The following ANKIB1 variants were observed in gnomAD, a reference collection of about 807,000 sequenced individuals.
ANKIB1 encodes the protein ankyrin repeat and IBR domain containing 1.
ANKIB1 carries 43 observed loss-of-function variants against 122.1 expected under a neutral mutation model. The ratio of observed to expected loss-of-function variants is 0.35; its 90% CI spans 0.28 to 0.45. The LOEUF is 0.45. Among genes scored for constraint, ANKIB1 ranks in the 20% least tolerant of loss-of-function variants. The pLI is 1.00. For missense variants in ANKIB1, 992 were observed against 1,329.5 expected (o/e 0.75, Z 3.95); for synonymous variants, 390 against 442.0 (o/e 0.88, Z 1.48).
intron 2 of ANKIB1, among the ~76,000 whole-genome samples, chr7:92,304,131 C>T (rs1373333464): frequency 6.6e-6 from 1 of 151,212 alleles, no homozygotes; most frequent in African/African-American, 2.4e-5. Context: ...ACATACATAT[C>T]GATTTTATAC....
At chr7:92,328,947 A>G (rs963282048) in intron 5 of ANKIB1, among the ~76,000 whole-genome samples, 2 of 148,552 alleles carry the variant, frequency 1.3e-5, no homozygotes, top group Non-Finnish European at 3.0e-5. Context: ...CATATAATAT[A>G]TATATACACA....
chr7:92,310,171 G>A (rs997380606), intron 3 of ANKIB1, among the ~76,000 whole-genome samples: 4 of 151,722 alleles, frequency 2.6e-5, no homozygotes, highest in Non-Finnish European at 5.9e-5. Context: ...CAATTTGCTT[G>A]ATACGTATGT....
chr7:92,337,856 C>T (rs1034685408), intron 5 of ANKIB1, among the ~76,000 whole-genome samples: 2 of 151,932 alleles, frequency 1.3e-5, no homozygotes, highest in Non-Finnish European at 2.9e-5. Context: ...AAGTTGGAGG[C>T]TTTGGAAAGC....
At position 92,398,429 on chromosome 7, in the gene ANKIB1, A is replaced by G. The variant is rs1804946757; in HGVS notation, c.2750A>G (p.Glu917Gly). The G allele has an allele frequency of 1.2e-6, 2 of 1,613,628 alleles. No individual in the cohort carries two copies. The highest frequency in any genetic ancestry group is 1.7e-5 in the Admixed American group (1 of 59,972). ...GCATTGAGCAGCTCTGAGCTTTTGG[A>G]ACTTGGTGACAGCCTCATGAGACTA... ...RAALSSSELL[E>G]LGDSLMRLGA... Residue 917 changes from glutamate to glycine, a missense_variant, in exon 20 of 20, where the codon GAA (glutamate) becomes GGA (glycine). Transcript: ENST00000265742.
At chr7:92,345,823 A>C (rs1462595346) in intron 7 of ANKIB1, among the ~76,000 whole-genome samples, 1 of 151,958 alleles carries the variant, frequency 6.6e-6, no homozygotes, top group Admixed American at 6.6e-5. Context: ...ATAGAGTATC[A>C]GTTAGCAAGT....
intron 1 of ANKIB1, among the ~76,000 whole-genome samples, chr7:92,257,549 T>G (rs1801473514): frequency 6.6e-6 from 1 of 152,176 alleles, no homozygotes; most frequent in Non-Finnish European, 1.5e-5. Context: ...TCCCAACACT[T>G]TGGGAGGCTG....
At chr7:92,286,025 A>G (rs563463704) in intron 1 of ANKIB1, among the ~76,000 whole-genome samples, 5 of 152,310 alleles carry the variant, frequency 3.3e-5, no homozygotes, top group South Asian at 2.1e-4. Context: ...TTTAATGACT[A>G]CTACTACCCC....
intron 11 of ANKIB1, among the ~76,000 whole-genome samples, chr7:92,384,744 ATTAAAGACT>A (rs1410319432): frequency 1.3e-5 from 2 of 152,212 alleles, no homozygotes; most frequent in African/African-American, 4.8e-5. Context: ...TTCACGATGC[ATTAAAGACT>A]TAACTATTAG....
At chr7:92,392,703 T>G (rs958574026) in intron 17 of ANKIB1, among the ~76,000 whole-genome samples, 14 of 152,108 alleles carry the variant, frequency 9.2e-5, no homozygotes, top group African/African-American at 3.4e-4. Context: ...TGATTTATAA[T>G]CAGTTGCTAA....
intron 12 of ANKIB1, among the ~76,000 whole-genome samples, 162 bp downstream of exon 12, chr7:92,386,805 T>C (rs572207328): frequency 2.0e-5 from 3 of 152,298 alleles, no homozygotes; most frequent in African/African-American, 7.2e-5. Flanking sequence ...ACTTGAGAGC[T>C]TTTTCCCTTT....
At chr7:92,278,283 T>C (rs1329420639) in intron 1 of ANKIB1, among the ~76,000 whole-genome samples, 1 of 151,972 alleles carries the variant, frequency 6.6e-6, no homozygotes, top group Non-Finnish European at 1.5e-5. Flanking sequence ...AAGAATTTTT[T>C]AAAAAAGGAA....
intron 7 of ANKIB1, among the ~76,000 whole-genome samples, chr7:92,347,411 C>T (rs890599585): frequency 9.9e-5 from 15 of 152,210 alleles, no homozygotes; most frequent in African/African-American, 3.4e-4. Flanking sequence ...ACATTGGACA[C>T]CCCCTGCTTT....
At chr7:92,314,450 G>A (rs973655564) in intron 3 of ANKIB1, among the ~76,000 whole-genome samples, 1 of 152,158 alleles carries the variant, frequency 6.6e-6, no homozygotes, top group East Asian at 1.9e-4. Flanking sequence ...CAAAAGAATC[G>A]TCCTTAGACT....
intron 7 of ANKIB1, among the ~76,000 whole-genome samples, chr7:92,349,243 C>T (rs1803607402): frequency 6.6e-6 from 1 of 152,100 alleles, no homozygotes; most frequent in Non-Finnish European, 1.5e-5. Flanking sequence ...CTCCCTTTCA[C>T]AGAAGTGAGT....
At chr7:92,305,455 G>C (rs1436520528) in intron 2 of ANKIB1, among the ~76,000 whole-genome samples, 1 of 152,168 alleles carries the variant, frequency 6.6e-6, no homozygotes, top group Non-Finnish European at 1.5e-5. Context: ...GGGGATTCAA[G>C]AAAGAACAGA....
At chr7:92,360,982 A>T (rs913524330) in intron 9 of ANKIB1, among the ~76,000 whole-genome samples, 1 of 152,062 alleles carries the variant, frequency 6.6e-6, no homozygotes, top group Admixed American at 6.6e-5. Flanking sequence ...CTCCTACCTC[A>T]GCCTCCCAAG....
At chr7:92,246,606 C>T (rs1414138339) in intron 1 of ANKIB1, 87 bp downstream of exon 1, 1 of 472,238 alleles carries the variant, frequency 2.1e-6, no homozygotes, top group Non-Finnish European at 4.2e-6. Context: ...ACTTCACACC[C>T]TCCCGGATCT....
At chr7:92,267,596 A>T (rs1801700200) in intron 1 of ANKIB1, among the ~76,000 whole-genome samples, 1 of 152,168 alleles carries the variant, frequency 6.6e-6, no homozygotes, top group African/African-American at 2.4e-5. Context: ...GATCATGAAG[A>T]TGTTCCTTCA....
At chr7:92,391,462 T>C in intron 16 of ANKIB1, 118 bp downstream of exon 16, 1 of 919,114 alleles carries the variant, frequency 1.1e-6, no homozygotes, top group Non-Finnish European at 1.5e-6. Context: ...AAAATATGGA[T>C]AGCTCATAAA....
Sources: allele counts gnomAD v4.1 joint callset (sites outside exome capture counted in the v4.1 genomes callset), GRCh38; gene constraint gnomAD v4.1.1; transcripts MANE v1.5; gene names NCBI Gene and HGNC (gene_info 2026-07-23, HGNC 2026-07-21).